GLP1R: variants seen among roughly 807,000 people sequenced by gnomAD.
The protein encoded by GLP1R is glucagon-like peptide 1 receptor.
A neutral mutation model predicts 68.4 loss-of-function variants in GLP1R; 32 were observed. That is an observed-to-expected ratio of 0.47 (90% CI 0.35 to 0.63). The LOEUF is 0.63. Among genes scored for constraint, GLP1R ranks in the 20% least tolerant of loss-of-function variants. GLP1R has a pLI of 0.00. For missense variants in GLP1R, 502 were observed against 594.9 expected, an observed-to-expected ratio of 0.84 and a Z score of 1.62; for synonymous variants, 263 against 244.4, an observed-to-expected ratio of 1.08 and a Z score of -0.71.
At chr6:39,054,464 T>C (rs1237210108) in intron 1 of GLP1R, among the ~76,000 whole-genome samples, 1 of 152,110 alleles carries the variant, frequency 6.6e-6, no homozygotes, top group Non-Finnish European at 1.5e-5. Flanking sequence ...AGCCCCATCC[T>C]CAGGAAGCTC....
chr6:39,050,976 C>T (rs1768074133), intron 1 of GLP1R, among the ~76,000 whole-genome samples: 1 of 152,098 alleles, frequency 6.6e-6, no homozygotes, highest in Admixed American at 6.5e-5. Flanking sequence ...CTGGAAACAG[C>T]ATCCCTGCAG....
intron 7 of GLP1R, among the ~76,000 whole-genome samples, chr6:39,074,802 C>T (rs573845382): frequency 1.3e-5 from 2 of 152,290 alleles, no homozygotes; most frequent in South Asian, 2.1e-4. Context: ...CCAGGGTGTC[C>T]GCTGCCTCTT....
At chr6:39,066,426 CT>C in intron 5 of GLP1R, 123 bp downstream of exon 5, 2 of 613,370 alleles carry the variant, frequency 3.3e-6, no homozygotes, top group South Asian at 4.0e-5. Flanking sequence ...CTCAAGAGCT[CT>C]CTACAGAGCC....
intron 11 of GLP1R, 102 bp from the exon 12 acceptor site, chr6:39,080,595 AG>A (rs1768979367): frequency 3.0e-6 from 2 of 675,272 alleles, no homozygotes; most frequent in Non-Finnish European, 5.2e-6. Context: ...GGATTTGGGG[AG>A]GGGGTTGTTG....
At position 39,078,283 on chromosome 6, in the gene GLP1R, G is replaced by C. The variant is rs765740027; in HGVS notation, c.824-39G>C. The C allele has an allele frequency of 4.0e-6, 6 of 1,501,144 alleles. No homozygotes were observed. In the Admixed American group the frequency reaches 1.0e-4, roughly 25 times the overall value. The allele number at this position is 1,501,144 out of a possible 1,614,324, so 93.0% of individuals were successfully genotyped here. On this transcript the variant is annotated intron_variant, in intron 7 of 12. Transcript: ENST00000373256. ...GGCATGTAGACTGTGGCTCTGGCCT[G>C]CCAGCCCCTCTCCCCTTCTGTCTTT...
chr6:39,076,733 C>A (rs1425901617), intron 7 of GLP1R, among the ~76,000 whole-genome samples: 3 of 152,162 alleles, frequency 2.0e-5, no homozygotes, highest in Non-Finnish European at 2.9e-5. Context: ...GCTTACCTAT[C>A]TCAGACACAT....
intron 1 of GLP1R, among the ~76,000 whole-genome samples, chr6:39,054,702 C>T (rs1026705674): frequency 7.9e-5 from 12 of 152,202 alleles, no homozygotes; most frequent in African/African-American, 2.9e-4. Context: ...CCAGCAGTGA[C>T]CTTGTGTGTG....
In GLP1R at chr6:39,072,715, G is replaced by A. The variant is rs1436332201; in HGVS notation, c.510-147G>A. On this transcript the variant is annotated intron_variant, in intron 5 of 12. Transcript: ENST00000373256. ...TGGACAGAAGGATTTTCACGATGATGAGGAAGAAGGGTATTCATAGAAGAA... is the reference window on the plus strand; with the variant it reads ...TGGACAGAAGGATTTTCACGATGATAAGGAAGAAGGGTATTCATAGAAGAA... 6 of 658,972 alleles carry A rather than the reference G, an allele frequency of 9.1e-6. No homozygotes were observed. The African/African-American group carries it at 1.1e-4, about 12-fold the overall frequency. 40.8% of individuals were successfully genotyped at this position (658,972 alleles called of 1,614,324 possible).
rs189699875 is a variant in GLP1R at position 39,074,100 on chromosome 6, C to T, written c.823+331C>T. ...GGGGACATAAGTTCACACCCAGTCC[C>T]GGGCAGCCCGAGGGCCTGAGGGAAA... On this transcript the variant is annotated intron_variant, in intron 7 of 12. Coordinates refer to ENST00000373256, the MANE Select transcript of GLP1R (RefSeq NM_002062.5). Among the ~76,000 whole-genome samples the T allele has an allele frequency of 7.8e-4, 118 of 152,186 alleles. No homozygotes were observed. The South Asian group carries it at 0.011, about 14-fold the overall frequency.
At chr6:39,078,835 C>T in intron 8 of GLP1R, 122 bp from the exon 9 acceptor site, 2 of 848,522 alleles carry the variant, frequency 2.4e-6, no homozygotes, top group Middle Eastern at 3.5e-4. Flanking sequence ...TGGGTGGCTC[C>T]TGGGAGCTGT....
chr6:39,077,444 A>C (rs147772606), intron 7 of GLP1R, among the ~76,000 whole-genome samples: 87 of 152,380 alleles, frequency 5.7e-4, no homozygotes, highest in African/African-American at 2.0e-3. Flanking sequence ...CTTGCTGCAG[A>C]GACCTCCATC....
Position 39,066,217 on chromosome 6 carries a change from C to T in GLP1R, c.423C>T (p.Leu141=), listed in dbSNP as rs144733551. Residue 141 remains leucine (L), a synonymous_variant, in exon 5 of 13, where the codon CTC becomes CTT. Transcript: ENST00000373256. ...RGERSSPEEQ[L]LFLYIIYTVG... is the part of the protein sequence containing the mutation. ...CACAGAGCTCCCCGGAGGAGCAGCT[C>T]CTGTTCCTCTACATCATCTACACGG... is the stretch of plus-strand genomic sequence containing the variant. 8.7e-5 allele frequency: 140 copies of T among 1,605,258 alleles called. No individual in the cohort carries two copies. The African/African-American group carries it at 9.8e-4, about 11-fold the overall frequency.
In GLP1R at chr6:39,073,773, AG is replaced by A. The variant is rs1415794573; in HGVS notation, c.823+5del. ...CTCTACGTGAGCATAGGCTGGGGTAAGAACCGCCATCACCCACCCTGGACCT... is the reference window on the plus strand; with the variant it reads ...CTCTACGTGAGCATAGGCTGGGGTAAAACCGCCATCACCCACCCTGGACCT... On this transcript the variant is annotated splice_donor_5th_base_variant and intron_variant, in intron 7 of 12. Transcript: ENST00000373256. 1 of 1,613,666 alleles carries A rather than the reference AG, an allele frequency of 6.2e-7. No individual in the cohort carries two copies. Among genetic ancestry groups the A allele is most frequent in the Admixed American group, 1.7e-5 (1 of 60,006 alleles).
chr6:39,088,254 G>A lies in GLP1R; in HGVS notation c.*2181G>A, dbSNP rs1431614938. On this transcript the variant is annotated 3_prime_UTR_variant, in exon 13 of 13. Coordinates refer to ENST00000373256, the MANE Select transcript of GLP1R (RefSeq NM_002062.5). ...CCTTCATGAATACATACAAGATACC[G>A]AACTGAAGAAATCTTTTCTTTGCTC... Among the ~76,000 whole-genome samples, 2 of 151,906 alleles carry A rather than the reference G, an allele frequency of 1.3e-5. No homozygotes were observed. The highest frequency in any genetic ancestry group is 6.6e-5 in the Admixed American group (1 of 15,248).
In GLP1R at chr6:39,080,709, G is replaced by A; in HGVS notation, c.1194G>A (p.Val398=). 1 of 1,598,070 alleles carries A rather than the reference G, an allele frequency of 6.3e-7. No individual in the cohort carries two copies. The highest frequency in any genetic ancestry group is 1.1e-5 in the South Asian group (1 of 89,044). ...ACTCTTGTTTCCAGGGGCTGATGGTGGCCATATTATACTGCTTTGTCAACA... is the reference window on the plus strand; with the variant it reads ...ACTCTTGTTTCCAGGGGCTGATGGTAGCCATATTATACTGCTTTGTCAACA... ...LSFTSFQGLM[V]AILYCFVNNE... Residue 398 remains valine, a synonymous_variant, in exon 12 of 13, where the codon GTG becomes GTA. Coordinates refer to ENST00000373256, the MANE Select transcript of GLP1R (RefSeq NM_002062.5).
At position 39,078,385 on chromosome 6, in the gene GLP1R, G is replaced by A. The variant is rs750561576; in HGVS notation, c.884+3G>A. The A allele has an allele frequency of 1.2e-6, 2 of 1,605,918 alleles. No homozygotes were observed. The highest frequency in any genetic ancestry group is 4.5e-5 in the East Asian group (2 of 44,826). On this transcript the variant is annotated splice_donor_region_variant and intron_variant, in intron 8 of 12. Transcript: ENST00000373256. The stretch of plus-strand genomic sequence containing the variant: ...AAGTACCTCTATGAGGACGAGGGGT[G>A]AGTGTCCTGCTCCAAGGGGGCGGGT...
Position 39,089,217 on chromosome 6 carries a change from T to C in GLP1R, c.*3144T>C, listed in dbSNP as rs1379415004. 1.3e-5 allele frequency among the ~76,000 whole-genome samples: 2 copies of C among 152,236 alleles called. No individual in the cohort carries two copies. Among genetic ancestry groups the C allele is most frequent in the Non-Finnish European group, 2.9e-5 (2 of 68,054 alleles). On this transcript the variant is annotated 3_prime_UTR_variant, in exon 13 of 13. Transcript: ENST00000373256. This position sits in a 1 kb window ranked among gnomAD's most constrained non-coding sequence, Gnocchi z 4.1. ...AATGAAATGCATCAGGGCACACATA[T>C]ACATAGAAACAGCACATAAGCCATT...
At chr6:39,071,920 G>A (rs188727978) in intron 5 of GLP1R, among the ~76,000 whole-genome samples, 24 of 152,160 alleles carry the variant, frequency 1.6e-4, no homozygotes, top group African/African-American at 5.3e-4. Context: ...ACTAGTTTAA[G>A]TCTTCGCTAA....
Position 39,079,647 on chromosome 6 carries a change from G to A in GLP1R, c.1127G>A (p.Arg376Gln), listed in dbSNP as rs61733062. The A allele has an allele frequency of 8.1e-4, 1,304 of 1,611,666 alleles. 1 individual carries two copies. Among genetic ancestry groups the A allele is most frequent in the Non-Finnish European group, 1.0e-3 (1,203 of 1,179,002 alleles). Residue 376 changes from arginine to glutamine, a missense_variant, in exon 11 of 13, where the codon CGG (arginine) becomes CAG (glutamine). Coordinates refer to ENST00000373256, the MANE Select transcript of GLP1R (RefSeq NM_002062.5). This position sits in a 1 kb window ranked among gnomAD's most constrained non-coding sequence, Gnocchi z 4.5. ...GCCTTTGTGATGGACGAGCACGCCC[G>A]GGGGACCCTGCGCTTCATCAAGCTG... Reference protein sequence around the residue: ...IFAFVMDEHARGTLRFIKLFT... With the variant: ...IFAFVMDEHAQGTLRFIKLFT...
Sources: gnomAD v4.1 joint callset for allele counts (sites outside exome capture counted in the v4.1 genomes callset) on GRCh38, gnomAD v4.1.1 for gene constraint, Gnocchi (gnomAD v3.1) non-coding constraint, MANE v1.5 for transcripts, NCBI Gene and HGNC (gene_info 2026-07-23, HGNC 2026-07-21) for gene names.